DHX32: variants seen among roughly 807,000 people sequenced by gnomAD.
DHX32 encodes DEAH-box helicase 32 (putative).
DHX32 carries 51 observed loss-of-function variants against 70.0 expected under a neutral mutation model. The ratio of observed to expected loss-of-function variants is 0.73; its 90% confidence interval spans 0.58 to 0.92. The LOEUF is 0.92. DHX32 is among the 40% of genes least tolerant of loss of function. DHX32 has a pLI of 0.00. For synonymous variants in DHX32, 310 were observed against 315.3 expected (o/e 0.98, Z 0.18); for missense variants, 762 against 891.8 (o/e 0.85, Z 1.85).
chr10:125,843,747 C>A (rs1428217230), intron 6 of DHX32, among the ~76,000 whole-genome samples: 1 of 152,222 alleles, frequency 6.6e-6, no homozygotes, highest in African/African-American at 2.4e-5. Context: ...GCCTACCACA[C>A]CTCCAGTCCT....
At position 125,859,033 on chromosome 10, in the gene DHX32, G is replaced by T. The variant is rs908748012; in HGVS notation, c.849+570C>A. Among the ~76,000 whole-genome samples the T allele has an allele frequency of 4.5e-3, 621 of 138,138 alleles. 2 individuals carry two copies. Among genetic ancestry groups the T allele is most frequent in the Middle Eastern group, 0.011 (3 of 262 alleles). 90.6% of individuals were successfully genotyped at this position (138,138 alleles called of 152,430 possible). On this transcript the variant is annotated intron_variant, in intron 3 of 10. Coordinates refer to ENST00000284690, the MANE Select transcript of DHX32 (RefSeq NM_018180.3). ...ATCTGAGTTAAAGGTTTTTTTTTTT[G>T]TTTGTTTGTTTGTTTTTTTTTTTTT...
chr10:125,847,839 A>G (rs954730437), intron 6 of DHX32, among the ~76,000 whole-genome samples: 3 of 151,978 alleles, frequency 2.0e-5, no homozygotes, highest in African/African-American at 7.3e-5. Context: ...GATCCCTGGC[A>G]TGTGCAGTTC....
chr10:125,836,767 A>T lies in DHX32; in HGVS notation c.2152T>A (p.Ser718Thr). 6.2e-7 allele frequency: 1 copy of T among 1,614,142 alleles called. No homozygotes were observed. Among genetic ancestry groups the T allele is most frequent in the Non-Finnish European group, 8.5e-7 (1 of 1,180,010 alleles). Residue 718 changes from serine (S) to threonine (T), a missense_variant, in exon 11 of 11, where the codon TCC (serine) becomes ACC (threonine). By Grantham distance (58) the Ser-to-Thr change is moderately conservative (BLOSUM62 1). Around this residue, in one of 3 missense-constraint regions of DHX32, gnomAD observed 366 missense variants for 402.6 expected, o/e 0.91. Transcript: ENST00000284690. Reference protein sequence around the residue: ...DILQQVVDHLSPVSTMNKEQQ... With the variant: ...DILQQVVDHLTPVSTMNKEQQ... ...TCCTTATTCATTGTTGACACAGGGG[A>T]TAGGTGATCCACTACTTGCTGTAGA... is the stretch of plus-strand genomic sequence containing the variant.
intron 1 of DHX32, among the ~76,000 whole-genome samples, chr10:125,892,004 G>C (rs565720625): frequency 6.6e-6 from 1 of 151,566 alleles, no homozygotes; most frequent in South Asian, 2.1e-4. Flanking sequence ...TTTTCCTTTC[G>C]TTCCAGACCC....
intron 8 of DHX32, 41 bp downstream of exon 8, chr10:125,840,806 G>A: frequency 6.5e-7 from 1 of 1,531,794 alleles, no homozygotes; most frequent in Non-Finnish European, 8.8e-7. Flanking sequence ...TCTAGGGAAA[G>A]GAAGGTGGAA....
chr10:125,885,758 G>T (rs1944337653), upstream of DHX32, among the ~76,000 whole-genome samples: 3 of 152,128 alleles, frequency 2.0e-5, no homozygotes, highest in African/African-American at 7.2e-5. Flanking sequence ...AATCATGTCA[G>T]TTCTGTCTTC....
At chr10:125,883,210 T>C (rs1214452002), upstream of DHX32, among the ~76,000 whole-genome samples, 1 of 152,158 alleles carries the variant, frequency 6.6e-6, no homozygotes, top group Non-Finnish European at 1.5e-5. Flanking sequence ...TCATCACACA[T>C]TGTGCAATGT....
At chr10:125,849,469 C>T (rs974399399) in intron 6 of DHX32, among the ~76,000 whole-genome samples, 1 of 152,328 alleles carries the variant, frequency 6.6e-6, no homozygotes, top group South Asian at 2.1e-4. Context: ...ATGTTTGCGT[C>T]TCTTTTTCAC....
chr10:125,860,947 T>G (rs1336464385), intron 2 of DHX32, among the ~76,000 whole-genome samples: 1 of 151,716 alleles, frequency 6.6e-6, no homozygotes, highest in African/African-American at 2.4e-5. Context: ...AGAGACAAGA[T>G]TTCACCGTGT....
chr10:125,888,202 ATT>A (rs36204414), intron 1 of DHX32, among the ~76,000 whole-genome samples: 58 of 132,736 alleles, frequency 4.4e-4, no homozygotes, highest in Admixed American at 7.6e-4. Context: ...TGAGCAATGC[ATT>A]TTTTTTTTTT....
chr10:125,861,501 G>A (rs1005874820), intron 2 of DHX32, among the ~76,000 whole-genome samples: 2 of 152,160 alleles, frequency 1.3e-5, no homozygotes, highest in African/African-American at 4.8e-5. Context: ...CCCCAGAAAA[G>A]AGTAGTTTGC....
chr10:125,847,463 C>T (rs1012834260), intron 6 of DHX32, among the ~76,000 whole-genome samples: 2 of 152,088 alleles, frequency 1.3e-5, no homozygotes, highest in African/African-American at 4.8e-5. Flanking sequence ...ATGGTAGGGA[C>T]GTAGCATAGG....
chr10:125,844,272 A>G (rs1458980744), intron 6 of DHX32, among the ~76,000 whole-genome samples: 3 of 152,220 alleles, frequency 2.0e-5, no homozygotes, highest in African/African-American at 7.2e-5. Flanking sequence ...TACAAACTTA[A>G]CTACTGAAAG....
At chr10:125,891,571 A>C (rs1203470682) in intron 1 of DHX32, among the ~76,000 whole-genome samples, 2 of 152,214 alleles carry the variant, frequency 1.3e-5, no homozygotes, top group African/African-American at 2.4e-5. Flanking sequence ...ATATCTAAAA[A>C]ATTTGTTTAA....
At chr10:125,841,200 T>TG in intron 7 of DHX32, 1 of 1,544,396 alleles carries the variant, frequency 6.5e-7, no homozygotes, top group Middle Eastern at 1.7e-4. Flanking sequence ...TGTGTGTGTG[T>TG]TTGCTTTTCT....
In DHX32 at chr10:125,852,583, C is replaced by G; in HGVS notation, c.1152G>C (p.Gln384His). The change falls in exon 5 of 11, where the codon CAG becomes CAC. Residue 384 changes from glutamine to histidine, a missense_variant. By Grantham distance (24) the Gln-to-His change is conservative. Coordinates refer to ENST00000284690, the MANE Select transcript of DHX32 (RefSeq NM_018180.3). ...SLVMQPISQS[Q>H]AEIRKQILGS... The stretch of plus-strand genomic sequence containing the variant: ...CAAGAATCTGCTTGCGTATCTCTGC[C>G]TGGCTCTGGCTGATGGGCTGCATGA... 1 of 1,613,838 alleles carries G rather than the reference C, an allele frequency of 6.2e-7. No homozygotes were observed. The highest frequency in any genetic ancestry group is 8.5e-7 in the Non-Finnish European group (1 of 1,179,928).
chr10:125,853,820 C>G lies in DHX32; in HGVS notation c.1092+141G>C, dbSNP rs192423820. The G allele has an allele frequency of 4.1e-6, 4 of 984,844 alleles. No homozygotes were observed. In the East Asian group the frequency reaches 7.6e-5, roughly 19 times the overall value. The allele number at this position is 984,844 out of a possible 1,614,324, so 61.0% of individuals were successfully genotyped here. ...TTTGTTACTGGCTGCAATAATTCTT[C>G]TTTGCACTCATGACCAAATTCAACG... On this transcript the variant is annotated intron_variant, in intron 4 of 10. Coordinates refer to ENST00000284690, the MANE Select transcript of DHX32 (RefSeq NM_018180.3).
At chr10:125,837,588 G>A (rs537547120) in intron 10 of DHX32, among the ~76,000 whole-genome samples, 2 of 152,166 alleles carry the variant, frequency 1.3e-5, no homozygotes, top group African/African-American at 2.4e-5. Flanking sequence ...CACCACACCC[G>A]GCTAATTTTT....
At position 125,841,187 on chromosome 10, in the gene DHX32, T is replaced by TTGTG. The variant is rs34263964; in HGVS notation, c.1544-195_1544-192dup. ...AGTCATCCTAATTCTCCCTCTCCTTTTGTGTGTGTGTGTTTGCTTTTCTAA... is the reference window on the plus strand; with the variant it reads ...AGTCATCCTAATTCTCCCTCTCCTTTTGTGTGTGTGTGTGTGTTTGCTTTTCTAA... On this transcript the variant is annotated intron_variant, in intron 7 of 10. Transcript: ENST00000284690. 4.8e-5 allele frequency: 67 copies of TTGTG among 1,391,378 alleles called. 2 individuals carry two copies. The highest frequency in any genetic ancestry group is 4.1e-4 in the South Asian group (33 of 80,664). 86.2% of individuals were successfully genotyped at this position (1,391,378 alleles called of 1,614,324 possible). A position where few individuals can be genotyped will look rare whatever the true frequency, so the allele number is the denominator to read the frequency against.
Sources: allele counts gnomAD v4.1 joint callset (sites outside exome capture counted in the v4.1 genomes callset), GRCh38; gene constraint gnomAD v4.1.1; regional missense constraint gnomAD v4.1.1; transcripts MANE v1.5; gene names NCBI Gene and HGNC (gene_info 2026-07-23, HGNC 2026-07-21).